Variants in NTN4 observed in about 807,000 individuals in gnomAD.
NTN4 encodes the protein netrin 4.
A neutral mutation model predicts 73.6 loss-of-function variants in NTN4; 32 were observed. The ratio of observed to expected loss-of-function variants is 0.44; its 90% CI spans 0.33 to 0.58. The LOEUF is 0.58. Among genes scored for constraint, NTN4 ranks in the 20% least tolerant of loss-of-function variants. NTN4 has a pLI of 0.04. For missense variants in NTN4, 654 were observed against 798.3 expected (o/e 0.82, Z 2.18); for synonymous variants, 258 against 287.5 (o/e 0.90, Z 1.04).
intron 2 of NTN4, among the ~76,000 whole-genome samples, chr12:95,774,503 G>A (rs142134652): frequency 1.4e-3 from 220 of 152,294 alleles, no homozygotes; most frequent in African/African-American, 4.9e-3. Flanking sequence ...AACAGATTTC[G>A]CCAGTTGAAG....
chr12:95,685,890 CTTT>C, intron 5 of NTN4, among the ~76,000 whole-genome samples: 1 of 147,608 alleles, frequency 6.8e-6, no homozygotes, highest in East Asian at 2.0e-4. Context: ...ATAGATAATT[CTTT>C]TTTTTTTTCT....
At chr12:95,685,150 G>A (rs375994690) in intron 5 of NTN4, among the ~76,000 whole-genome samples, 13 of 152,214 alleles carry the variant, frequency 8.5e-5, no homozygotes, top group Non-Finnish European at 1.3e-4. Flanking sequence ...GATTACAGGC[G>A]TGAGCCACTG....
rs552212963 is a variant in NTN4, at chr12:95,724,033, T to A, written c.865-10695A>T. On this transcript the variant is annotated intron_variant, in intron 3 of 9. Transcript: ENST00000343702. The stretch of plus-strand genomic sequence containing the variant: ...CACATGTTACCTAGAGTTTTTTTTT[T>A]AAATCAAGAATACTTGAGGATTTAC... Among the ~76,000 whole-genome samples the A allele has an allele frequency of 3.9e-5, 6 of 152,272 alleles. No individual in the cohort carries two copies. The South Asian group carries it at 6.2e-4, about 16-fold the overall frequency.
intron 3 of NTN4, among the ~76,000 whole-genome samples, chr12:95,716,715 T>C (rs1266312062): frequency 2.0e-5 from 3 of 152,134 alleles, no homozygotes; most frequent in African/African-American, 7.2e-5. Flanking sequence ...GTTGAAAAGG[T>C]TGTTAATTTC....
intron 3 of NTN4, among the ~76,000 whole-genome samples, chr12:95,716,255 C>T (rs556409494): frequency 8.5e-5 from 13 of 152,090 alleles, no homozygotes; most frequent in Non-Finnish European, 1.8e-4. Flanking sequence ...TCAATTAGTG[C>T]TGTCTGTATA....
chr12:95,750,933 T>C lies in NTN4; in HGVS notation c.586-12789A>G, dbSNP rs913003960. Among the ~76,000 whole-genome samples the C allele has an allele frequency of 5.9e-5, 9 of 152,224 alleles. No individual in the cohort carries two copies. The East Asian group carries it at 1.7e-3, about 29-fold the overall frequency. ...AGCAATTTACTCTTAAAAAGGTGGC[T>C]GGAGCTAAAGGCATAGTCAAGGTTA... On this transcript the variant is annotated intron_variant, in intron 2 of 9. Coordinates refer to ENST00000343702, the MANE Select transcript of NTN4 (RefSeq NM_021229.4).
rs918464848 is a variant in NTN4, at chr12:95,710,584, T to C, written c.1037A>G (p.Asn346Ser). The change falls in exon 5 of 10, where the codon AAT (asparagine) becomes AGT (serine). Residue 346 changes from asparagine (N) to serine (S), a missense_variant. Transcript: ENST00000343702. ...GHADTCHFDV[N>S]VWEASGNRSG... ...ACGATTCCCTGATGCCTCCCACACA[T>C]TAACGTCGAAGTGACAGGTATCAGC... 5 of 1,614,018 alleles carry C rather than the reference T, an allele frequency of 3.1e-6. No individual in the cohort carries two copies. The African/African-American group carries it at 6.7e-5, about 22-fold the overall frequency.
intron 2 of NTN4, among the ~76,000 whole-genome samples, chr12:95,751,551 G>C (rs1428485734): frequency 6.6e-6 from 1 of 151,918 alleles, no homozygotes; most frequent in Non-Finnish European, 1.5e-5. Context: ...AAATCGGACT[G>C]TTCAACTCAC....
At chr12:95,777,812 G>GCA (rs1322517654) in intron 2 of NTN4, among the ~76,000 whole-genome samples, 3 of 152,062 alleles carry the variant, frequency 2.0e-5, no homozygotes, top group East Asian at 1.9e-4. Flanking sequence ...TGCACCAACT[G>GCA]GACCTAATAG....
At chr12:95,685,455 C>A (rs554852411) in intron 5 of NTN4, among the ~76,000 whole-genome samples, 3 of 152,196 alleles carry the variant, frequency 2.0e-5, no homozygotes, top group Non-Finnish European at 2.9e-5. Flanking sequence ...TTTCCTGAAT[C>A]CTGGTTTCCT....
chr12:95,748,209 C>T (rs1420321916), intron 2 of NTN4, among the ~76,000 whole-genome samples: 21 of 117,944 alleles, frequency 1.8e-4, no homozygotes, highest in African/African-American at 3.7e-4. Flanking sequence ...CCGGCCTGGG[C>T]GACAGAGCAA....
chr12:95,672,198 C>T (rs1026053496), intron 7 of NTN4: 11 of 493,322 alleles, frequency 2.2e-5, no homozygotes, highest in East Asian at 3.4e-5. Flanking sequence ...GCGCAATGGT[C>T]GGGTTGCGGG....
intron 2 of NTN4, among the ~76,000 whole-genome samples, chr12:95,782,391 G>A (rs1253182512): frequency 6.6e-6 from 1 of 151,856 alleles, no homozygotes. Context: ...CGCCTCCCAG[G>A]TTCAAGCAAT....
chr12:95,760,723 T>C (rs1592709178), intron 2 of NTN4, among the ~76,000 whole-genome samples: 1 of 143,482 alleles, frequency 7.0e-6, no homozygotes, highest in Admixed American at 7.3e-5. Context: ...GTGTTTGTAG[T>C]GGGGAAAGAA....
intron 3 of NTN4, among the ~76,000 whole-genome samples, chr12:95,728,217 A>G (rs891668421): frequency 1.1e-4 from 17 of 152,280 alleles, no homozygotes; most frequent in South Asian, 8.3e-4. Flanking sequence ...ATAATCTAAG[A>G]TTATATCATT....
intron 2 of NTN4, among the ~76,000 whole-genome samples, chr12:95,764,426 A>G (rs1206430694): frequency 1.3e-5 from 2 of 152,226 alleles, no homozygotes; most frequent in Non-Finnish European, 2.9e-5. Context: ...GCACTTTGGG[A>G]GGCCGAGGCC....
intron 2 of NTN4, among the ~76,000 whole-genome samples, chr12:95,768,080 A>C (rs964769316): frequency 1.3e-5 from 2 of 152,224 alleles, no homozygotes; most frequent in Non-Finnish European, 2.9e-5. Context: ...TAACAATAAC[A>C]ACAATAGTGG....
chr12:95,732,434 G>A (rs1250486256), intron 3 of NTN4, among the ~76,000 whole-genome samples: 5 of 110,714 alleles, frequency 4.5e-5, no homozygotes, highest in East Asian at 4.9e-4. Context: ...CAAGAGTTTC[G>A]CTCTTGTTAC....
upstream of NTN4, among the ~76,000 whole-genome samples, chr12:95,790,933 G>A (rs942492242): frequency 6.8e-6 from 1 of 147,152 alleles, no homozygotes; most frequent in African/African-American, 2.5e-5. This position sits in a 1 kb window ranked among gnomAD's most constrained non-coding sequence, Gnocchi z 6.5. Flanking sequence ...CCGCCCGGGG[G>A]GGGGGTCCCC....
Sources: allele counts gnomAD v4.1 joint callset (sites outside exome capture counted in the v4.1 genomes callset), GRCh38; gene constraint gnomAD v4.1.1; non-coding constraint Gnocchi (gnomAD v3.1); transcripts MANE v1.5; gene names NCBI Gene and HGNC (gene_info 2026-07-23, HGNC 2026-07-21).